The following RBFOX1 variants were observed in gnomAD, a reference collection of about 807,000 sequenced individuals.
RBFOX1 encodes the protein RNA binding protein fox-1 homolog 1.
In RBFOX1, 8 loss-of-function variants were observed where a neutral mutation model predicts 57.7. That is an observed-to-expected ratio of 0.14 (90% CI 0.08 to 0.25). RBFOX1 has a LOEUF of 0.25. Ranked by LOEUF, RBFOX1 falls within the 10% of genes least tolerant of loss-of-function variation. RBFOX1 has a pLI of 1.00. For synonymous variants in RBFOX1, 326 were observed against 222.4 expected, an observed-to-expected ratio of 1.47 and a Z score of -4.15; for missense variants, 611 against 548.5, an observed-to-expected ratio of 1.11 and a Z score of -1.14.
chr16:7,361,147 C>T (rs2146613871), intron 4 of RBFOX1, among the ~76,000 whole-genome samples: 1 of 152,308 alleles, frequency 6.6e-6, no homozygotes, highest in African/African-American at 2.4e-5. Flanking sequence ...CACCTGCCAG[C>T]CCTCTTTCCA....
chr16:6,473,573 A>T (rs2095225662), intron 2 of RBFOX1, among the ~76,000 whole-genome samples: 1 of 152,018 alleles, frequency 6.6e-6, no homozygotes, highest in Admixed American at 6.5e-5. Context: ...AGCTTCTGTT[A>T]TTTTTATTTG....
At chr16:6,861,823 G>GGTT (rs71408410) in intron 3 of RBFOX1, among the ~76,000 whole-genome samples, 1 of 92,458 alleles carries the variant, frequency 1.1e-5, no homozygotes, top group East Asian at 3.6e-4. Context: ...GCGTCCCTTG[G>GGTT]TTTTTTTTTT....
intron 2 of RBFOX1, among the ~76,000 whole-genome samples, chr16:6,602,291 G>C (rs1401318611): frequency 6.6e-6 from 1 of 152,114 alleles, no homozygotes; most frequent in African/African-American, 2.4e-5. Flanking sequence ...TCTTTTAATA[G>C]TGTCTTTGAT....
At chr16:6,883,453 T>C (rs1307040774) in intron 3 of RBFOX1, among the ~76,000 whole-genome samples, 1 of 152,208 alleles carries the variant, frequency 6.6e-6, no homozygotes, top group African/African-American at 2.4e-5. Flanking sequence ...CAAGATTTTA[T>C]TTGATTGCAC....
At chr16:6,331,627 C>A (rs1386067406) in intron 2 of RBFOX1, among the ~76,000 whole-genome samples, 1 of 147,932 alleles carries the variant, frequency 6.8e-6, no homozygotes, top group African/African-American at 2.5e-5. Flanking sequence ...TATATATAAT[C>A]TATCTGTTAA....
chr16:6,386,156 C>T (rs929018127), intron 2 of RBFOX1, among the ~76,000 whole-genome samples: 3 of 152,066 alleles, frequency 2.0e-5, no homozygotes, highest in Non-Finnish European at 2.9e-5. Flanking sequence ...AGGATGGTCT[C>T]GATGTCCTGG....
At chr16:5,541,165 A>G (rs1390380479) in intron 2 of RBFOX1, among the ~76,000 whole-genome samples, 3 of 152,086 alleles carry the variant, frequency 2.0e-5, no homozygotes, top group African/African-American at 7.2e-5. Context: ...CTGCATTTTT[A>G]AGAAGAGCTC....
rs182263736 is a variant in RBFOX1, at chr16:6,469,034, A to G, written c.-64+151977A>G. On this transcript the variant is annotated intron_variant, in intron 2 of 15. Transcript: ENST00000550418. Reference sequence around the variant, plus strand: ...CCCAGGCATTGGAAGTGGTCAAGGCATTTTTTTCTTTGACCCCTGGGAAGG... The same window carrying G: ...CCCAGGCATTGGAAGTGGTCAAGGCGTTTTTTTCTTTGACCCCTGGGAAGG... 1.2e-3 allele frequency among the ~76,000 whole-genome samples: 187 copies of G among 152,074 alleles called. 1 individual carries two copies. The highest frequency in any genetic ancestry group is 4.3e-3 in the African/African-American group (177 of 41,510).
At chr16:6,883,825 C>G (rs1011546701) in intron 3 of RBFOX1, among the ~76,000 whole-genome samples, 10 of 150,938 alleles carry the variant, frequency 6.6e-5, no homozygotes, top group African/African-American at 2.2e-4. Flanking sequence ...ATTATTATCT[C>G]TTTTTTCCCC....
intron 1 of RBFOX1, among the ~76,000 whole-genome samples, chr16:6,070,203 C>T (rs66696763): frequency 0.13 from 19,846 of 152,106 alleles, 1,332 homozygotes; most frequent in East Asian, 0.27. Context: ...AAAGATATGC[C>T]ATCATCCCTG....
intron 1 of RBFOX1, among the ~76,000 whole-genome samples, chr16:5,405,592 C>G (rs1265488653): frequency 6.6e-6 from 1 of 152,086 alleles, no homozygotes; most frequent in Non-Finnish European, 1.5e-5. Flanking sequence ...TAGAATACTC[C>G]ATCATAGATG....
intron 1 of RBFOX1, among the ~76,000 whole-genome samples, chr16:5,275,794 A>G (rs2063126474): frequency 6.6e-6 from 1 of 152,252 alleles, no homozygotes; most frequent in African/African-American, 2.4e-5. Context: ...CTATATTACA[A>G]GGCTATAGTG....
At chr16:5,748,985 G>T (rs2053089267) in intron 3 of RBFOX1, among the ~76,000 whole-genome samples, 1 of 152,122 alleles carries the variant, frequency 6.6e-6, no homozygotes, top group Non-Finnish European at 1.5e-5. Flanking sequence ...TTACAATTTG[G>T]CATGTTTTTG....
chr16:5,869,468 C>A (rs908967328), intron 4 of RBFOX1, among the ~76,000 whole-genome samples: 2 of 152,308 alleles, frequency 1.3e-5, no homozygotes, highest in East Asian at 3.9e-4. Flanking sequence ...GTGGCACAAT[C>A]TCGGCTCACT....
At chr16:6,866,649 C>G (rs946249735) in intron 3 of RBFOX1, among the ~76,000 whole-genome samples, 1 of 146,486 alleles carries the variant, frequency 6.8e-6, no homozygotes, top group African/African-American at 2.5e-5. Context: ...TCACGCCATT[C>G]TCCTGCCTCA....
intron 1 of RBFOX1, among the ~76,000 whole-genome samples, chr16:6,225,537 G>A (rs567283457): frequency 6.6e-6 from 1 of 152,138 alleles, no homozygotes; most frequent in South Asian, 2.1e-4. Context: ...TTTCCCCCAG[G>A]GTTTTAAAAT....
At chr16:7,200,190 A>C (rs1264090726) in intron 4 of RBFOX1, among the ~76,000 whole-genome samples, 2 of 152,218 alleles carry the variant, frequency 1.3e-5, no homozygotes, top group Non-Finnish European at 2.9e-5. Flanking sequence ...AATCCTAGGA[A>C]GTAGTGACTT....
chr16:7,535,822 C>CT (rs1220846161), intron 5 of RBFOX1, among the ~76,000 whole-genome samples: 2 of 152,174 alleles, frequency 1.3e-5, no homozygotes, highest in African/African-American at 4.8e-5. Flanking sequence ...ACCACTGTGC[C>CT]TTATTCATCA....
chr16:7,206,863 A>G (rs977362615), intron 4 of RBFOX1, among the ~76,000 whole-genome samples: 5 of 152,050 alleles, frequency 3.3e-5, no homozygotes, highest in African/African-American at 4.8e-5. Context: ...GAAAAAAAAA[A>G]TGGAGAGGCT....
Sources: allele counts gnomAD v4.1 joint callset (sites outside exome capture counted in the v4.1 genomes callset), GRCh38; gene constraint gnomAD v4.1.1; transcripts MANE v1.5; gene names NCBI Gene and HGNC (gene_info 2026-07-23, HGNC 2026-07-21).